CR1: variants seen among roughly 807,000 people sequenced by gnomAD.
The protein encoded by CR1 is complement C3b/C4b receptor 1 (Knops blood group), also known as complement receptor type 1.
CR1 carries 116 observed loss-of-function variants against 187.3 expected under a neutral mutation model. That is an observed-to-expected ratio of 0.62 (90% CI 0.53 to 0.72). The LOEUF (loss-of-function observed/expected upper bound fraction) is 0.72, where lower values mean the gene tolerates loss of function less well. Among genes scored for constraint, CR1 ranks in the 30% least tolerant of loss-of-function variants. The pLI is 0.00. For synonymous variants in CR1, 576 were observed against 747.1 expected, an observed-to-expected ratio of 0.77 and a Z score of 3.73; for missense variants, 1,731 against 2,110.7, an observed-to-expected ratio of 0.82 and a Z score of 3.52.
In CR1 at chr1:207,617,505, A is replaced by ATGTGTGTGTG. The variant is rs1372885484; in HGVS notation, c.6890-565_6890-564insGTGTGTGTGT. 3.9e-4 allele frequency among the ~76,000 whole-genome samples: 16 copies of ATGTGTGTGTG among 40,866 alleles called. 2 individuals are homozygous for ATGTGTGTGTG. The highest frequency in any genetic ancestry group is 1.2e-3 in the African/African-American group (16 of 12,952). 26.8% of individuals were successfully genotyped at this position (40,866 alleles called of 152,430 possible). The stretch of plus-strand genomic sequence containing the variant: ...AAAGTATATATATATATATATATAT[A>ATGTGTGTGTG]TATGTGTGTGTGTGTGTGTGTGTGT... On this transcript the variant is annotated intron_variant, in intron 41 of 46. Coordinates refer to ENST00000367049, the MANE Select transcript of CR1 (RefSeq NM_000651.6).
chr1:207,609,232 A>G (rs1661837210), intron 36 of CR1, 58 bp from the exon 37 acceptor site: 8 of 1,396,822 alleles, frequency 5.7e-6, no homozygotes, highest in Non-Finnish European at 6.8e-6. Flanking sequence ...TTAAATTCAT[A>G]GTAAAATAAT....
chr1:207,605,546 G>A (rs904112117), intron 35 of CR1, among the ~76,000 whole-genome samples: 1 of 151,944 alleles, frequency 6.6e-6, no homozygotes, highest in Non-Finnish European at 1.5e-5. Context: ...CCATACATAG[G>A]CTGGAACCTT....
intron 1 of CR1, among the ~76,000 whole-genome samples, chr1:207,503,106 G>A (rs971610048): frequency 4.6e-5 from 7 of 152,150 alleles, no homozygotes; most frequent in African/African-American, 9.7e-5. Context: ...GGTAATAATC[G>A]TAAGTATAAT....
At chr1:207,630,126 G>A (rs17048088) in intron 45 of CR1, among the ~76,000 whole-genome samples, 3,108 of 152,278 alleles carry the variant, frequency 0.02, 123 homozygotes, top group African/African-American at 0.072. Flanking sequence ...CTTCACTATA[G>A]GAGAAAAAGG....
rs555088947 is a variant in CR1 at position 207,591,997 on chromosome 1, G to C, written c.5810+3223G>C. ...AAGCCCAGGAACAGATGGATTCATA[G>C]CTGAATCCTACCAGAGGTACAAAGA... On this transcript the variant is annotated intron_variant, in intron 35 of 46. Transcript: ENST00000367049. Among the ~76,000 whole-genome samples the C allele has an allele frequency of 2.0e-5, 3 of 152,304 alleles. No homozygotes were observed. In the East Asian group the frequency reaches 5.8e-4, roughly 29 times the overall value.
intron 1 of CR1, among the ~76,000 whole-genome samples, chr1:207,503,513 G>C (rs1043624152): frequency 6.6e-6 from 1 of 152,136 alleles, no homozygotes; most frequent in South Asian, 2.1e-4. Flanking sequence ...TCCAGGGGCT[G>C]CTTCCGTCCT....
chr1:207,524,506 C>A (rs530551519), intron 5 of CR1, among the ~76,000 whole-genome samples: 6 of 151,976 alleles, frequency 3.9e-5, no homozygotes, highest in Non-Finnish European at 8.8e-5. Flanking sequence ...GCCTGAGCCT[C>A]CCAAGTAGCT....
At chr1:207,622,268 G>A (rs1662336633) in intron 44 of CR1, among the ~76,000 whole-genome samples, 1 of 152,112 alleles carries the variant, frequency 6.6e-6, no homozygotes, top group African/African-American at 2.4e-5. Flanking sequence ...ATTCATCAGT[G>A]TCAAAAATTC....
At chr1:207,501,769 T>C (rs1378645972) in intron 1 of CR1, among the ~76,000 whole-genome samples, 1 of 152,216 alleles carries the variant, frequency 6.6e-6, no homozygotes, top group Non-Finnish European at 1.5e-5. Flanking sequence ...TCAATACAGC[T>C]TTTGGCGCTA....
intron 46 of CR1, among the ~76,000 whole-genome samples, chr1:207,632,721 C>G (rs1470907404): frequency 6.8e-6 from 1 of 147,890 alleles, no homozygotes; most frequent in Non-Finnish European, 1.5e-5. Context: ...TGGCGTGAGC[C>G]CGGGAGGCGG....
At chr1:207,607,150 C>T (rs766494384) in intron 35 of CR1, 101 bp from the exon 36 acceptor site, 2 of 879,510 alleles carry the variant, frequency 2.3e-6, no homozygotes, top group Admixed American at 3.8e-5. Context: ...ATGGTGTAAT[C>T]TGTCCTGTAA....
chr1:207,639,370 T>G, intron 46 of CR1, 27 bp from the exon 47 acceptor site: 1 of 1,591,818 alleles, frequency 6.3e-7, no homozygotes, highest in Non-Finnish European at 8.6e-7. Context: ...ATGCTGTTAA[T>G]TAAATGAAAA....
chr1:207,518,969 T>C lies in CR1; in HGVS notation c.488-4642T>C, dbSNP rs192951616. ...ATTTGTCTGTCTTTCCTCTTTGTTC[T>C]AGCAATTTTTACTTTATGTATTTTA... On this transcript the variant is annotated intron_variant, in intron 4 of 46. Coordinates refer to ENST00000367049, the MANE Select transcript of CR1 (RefSeq NM_000651.6). 1.2e-3 allele frequency among the ~76,000 whole-genome samples: 180 copies of C among 152,380 alleles called. 1 individual carries two copies. The highest frequency in any genetic ancestry group is 4.2e-3 in the African/African-American group (175 of 41,592).
Position 207,618,100 on chromosome 1 carries a change from G to A in CR1, c.6919G>A (p.Gly2307Arg). ...ACPHPPKIQNGHYIGGHVSLY... is the reference protein window; with the variant it reads ...ACPHPPKIQNRHYIGGHVSLY... ...CCCACATCCACCCAAGATCCAAAACGGGCATTACATTGGAGGACACGTATC... is the reference window on the plus strand; with the variant it reads ...CCCACATCCACCCAAGATCCAAAACAGGCATTACATTGGAGGACACGTATC... Residue 2307 changes from glycine (G) to arginine (R), a missense_variant, in exon 42 of 47, where the codon GGG becomes AGG. Physicochemically the swap from Gly to Arg is moderately radical, Grantham distance 125 (BLOSUM62 -2). Coordinates refer to ENST00000367049, the MANE Select transcript of CR1 (RefSeq NM_000651.6). The A allele has an allele frequency of 1.9e-6, 3 of 1,613,642 alleles. No individual in the cohort carries two copies. The highest frequency in any genetic ancestry group is 2.2e-5 in the East Asian group (1 of 44,872).
At chr1:207,596,065 A>G (rs909890007) in intron 35 of CR1, among the ~76,000 whole-genome samples, 1 of 146,000 alleles carries the variant, frequency 6.8e-6, no homozygotes, top group African/African-American at 2.5e-5. Flanking sequence ...ATATATATCT[A>G]TATCTATATC....
At chr1:207,615,452 T>C (rs1009191993) in intron 40 of CR1, among the ~76,000 whole-genome samples, 8 of 152,210 alleles carry the variant, frequency 5.3e-5, no homozygotes, top group Admixed American at 2.6e-4. Flanking sequence ...AATCAGTGTC[T>C]GAAATGATGA....
intron 37 of CR1, among the ~76,000 whole-genome samples, chr1:207,610,124 G>C (rs755082484): frequency 1.3e-5 from 2 of 152,074 alleles, no homozygotes; most frequent in Non-Finnish European, 2.9e-5. Context: ...ACCAAAATGA[G>C]AGCATCAAAT....
chr1:207,606,499 A>T (rs1293935326), intron 35 of CR1: 2 of 152,256 alleles, frequency 1.3e-5, no homozygotes, highest in Non-Finnish European at 2.9e-5. Flanking sequence ...TAACTGTTGC[A>T]GTTACTGCCT....
intron 36 of CR1, among the ~76,000 whole-genome samples, chr1:207,608,650 A>G (rs11118166): frequency 0.38 from 57,343 of 152,056 alleles, 15,688 homozygotes; most frequent in African/African-American, 0.77. Flanking sequence ...TTTACTATAC[A>G]AAGTTTTCAA....
Sources: gnomAD v4.1 joint callset for allele counts (sites outside exome capture counted in the v4.1 genomes callset) on GRCh38, gnomAD v4.1.1 for gene constraint, MANE v1.5 for transcripts, NCBI Gene and HGNC (gene_info 2026-07-23, HGNC 2026-07-21) for gene names.